Variants in KIF27 observed in about 807,000 individuals in gnomAD.
KIF27 encodes kinesin-like protein KIF27.
Under a neutral mutation model 141.8 loss-of-function variants are expected in KIF27, and 84 were observed. That is an observed-to-expected ratio of 0.59 (90% CI 0.50 to 0.71). The LOEUF (loss-of-function observed/expected upper bound fraction) is 0.71. Ranked by LOEUF, KIF27 falls within the 30% of genes least tolerant of loss-of-function variation. KIF27 has a pLI of 0.00. For missense variants in KIF27, 1,306 were observed against 1,628.4 expected (o/e 0.80, Z 3.41); for synonymous variants, 471 against 569.5 (o/e 0.83, Z 2.46).
rs958131422 is a variant in KIF27, at chr9:83,903,805, G to C, written c.713C>G (p.Ser238Ter). 1.2e-6 allele frequency: 2 copies of C among 1,614,070 alleles called. No individual in the cohort carries two copies. Among genetic ancestry groups the C allele is most frequent in the Non-Finnish European group, 1.7e-6 (2 of 1,180,044 alleles). The stretch of plus-strand genomic sequence containing the variant: ...TGCCAAATCCACAAAGTGGAACTTT[G>C]AGACAATATGCCGAGGGGAATACCA... The part of the protein sequence containing the change: ...GSWYSPRHIV[S>*]KFHFVDLAGS... Residue 238 changes from serine (S) to a stop codon, truncating the protein, a stop_gained, in exon 4 of 18, where the codon TCA becomes TGA. Transcript: ENST00000297814. LOFTEE classifies it high-confidence loss of function.
chr9:83,903,657 C>A lies in KIF27; in HGVS notation c.861G>T (p.Lys287Asn). ...VISALGDPRRKSSHIPYRDAK... is the reference protein window; with the variant it reads ...VISALGDPRRNSSHIPYRDAK... Reference sequence around the variant, plus strand: ...CATCCCTATATGGAATATGTGAACTCTTCCTGCGTGGGTCCCCAAGAGCGC... The same window carrying A: ...CATCCCTATATGGAATATGTGAACTATTCCTGCGTGGGTCCCCAAGAGCGC... Residue 287 changes from lysine (K) to asparagine (N), a missense_variant, in exon 4 of 18, where the codon AAG becomes AAT. Lys to Asn is a moderately conservative substitution (Grantham distance 94). This residue lies in a region of KIF27 where 533 missense variants were observed against 565.6 expected (regional missense o/e 0.94). Coordinates refer to ENST00000297814, the MANE Select transcript of KIF27 (RefSeq NM_017576.4). 6.2e-7 allele frequency: 1 copy of A among 1,614,128 alleles called. No homozygotes were observed. The highest frequency in any genetic ancestry group is 8.5e-7 in the Non-Finnish European group (1 of 1,179,994).
intron 2 of KIF27, among the ~76,000 whole-genome samples, chr9:83,908,854 A>G (rs1373153654): frequency 1.3e-5 from 2 of 152,030 alleles, no homozygotes; most frequent in African/African-American, 4.8e-5. Flanking sequence ...CCGACTATCA[A>G]ATTCAAGCAA....
rs1955596236 is a variant in KIF27, at chr9:83,915,496, T to C, written c.96A>G (p.Pro32=). The C allele has an allele frequency of 6.2e-7, 1 of 1,613,814 alleles. No homozygotes were observed. The highest frequency in any genetic ancestry group is 8.5e-7 in the Non-Finnish European group (1 of 1,179,854). Residue 32 remains proline, a synonymous_variant, in exon 2 of 18, where the codon CCA becomes CCG. Transcript: ENST00000297814. ...HNHQVCVRVI[P]NSQQVIIGRD... The stretch of plus-strand genomic sequence containing the variant: ...TCCCAATGATAACTTGCTGGCTGTT[T>C]GGAATAACTCTCACACAAACTTGAT...
chr9:83,915,654 T>G lies in KIF27; in HGVS notation c.-63A>C. The G allele has an allele frequency of 7.3e-7, 1 of 1,379,212 alleles. No homozygotes were observed. Among genetic ancestry groups the G allele is most frequent in the East Asian group, 2.3e-5 (1 of 43,218 alleles). The allele number at this position is 1,379,212 out of a possible 1,614,324, so 85.4% of individuals were successfully genotyped here. ...TGTTCAGTATCTAGTGTGAGAGACT[T>G]CCATCTTATGTAAGATCTGGATTCC... On this transcript the variant is annotated 5_prime_UTR_variant, in exon 2 of 18. Transcript: ENST00000297814.
chr9:83,905,408 G>A (rs1264782973), intron 3 of KIF27, among the ~76,000 whole-genome samples: 3 of 152,052 alleles, frequency 2.0e-5, no homozygotes, highest in Non-Finnish European at 4.4e-5. Flanking sequence ...GTGAGCCACC[G>A]CACCCGGCCT....
intron 16 of KIF27, 27 bp from the exon 17 acceptor site, chr9:83,842,428 A>G (rs756380011): frequency 1.1e-5 from 16 of 1,475,928 alleles, no homozygotes; most frequent in Non-Finnish European, 1.4e-5. Flanking sequence ...TGCATTTAAA[A>G]TCAGTTTTAA....
chr9:83,862,318 T>G (rs1251354596), intron 13 of KIF27, among the ~76,000 whole-genome samples: 2 of 149,926 alleles, frequency 1.3e-5, no homozygotes, highest in Admixed American at 1.3e-4. Context: ...GGTCTAACAT[T>G]TAAGTCTTTA....
intron 12 of KIF27, among the ~76,000 whole-genome samples, chr9:83,869,554 C>T (rs191337255): frequency 1.3e-5 from 2 of 151,938 alleles, no homozygotes; most frequent in Non-Finnish European, 1.5e-5. Context: ...GGTGAAACCC[C>T]GTCTCTACTA....
Position 83,843,978 on chromosome 9 carries a change from G to A in KIF27, c.3557-1577C>T, listed in dbSNP as rs146585265. On this transcript the variant is annotated intron_variant, in intron 16 of 17. Coordinates refer to ENST00000297814, the MANE Select transcript of KIF27 (RefSeq NM_017576.4). ...GAAAGATGCCAAGTATTGATGCCAAGTATTGAGTGTGTCTGTGAAAGTGTT... is the reference window on the plus strand; with the variant it reads ...GAAAGATGCCAAGTATTGATGCCAAATATTGAGTGTGTCTGTGAAAGTGTT... Among the ~76,000 whole-genome samples the A allele has an allele frequency of 3.8e-3, 580 of 152,272 alleles. 2 individuals are homozygous for A. Among genetic ancestry groups the A allele is most frequent in the African/African-American group, 0.014 (564 of 41,560 alleles).
intron 9 of KIF27, among the ~76,000 whole-genome samples, chr9:83,886,468 G>C (rs1213833954): frequency 6.6e-6 from 1 of 152,070 alleles, no homozygotes; most frequent in Non-Finnish European, 1.5e-5. Context: ...TCTCACTGAA[G>C]ACTTCTCTTG....
At chr9:83,885,946 GTTGT>G (rs1952062301) in intron 9 of KIF27, among the ~76,000 whole-genome samples, 1 of 110,772 alleles carries the variant, frequency 9.0e-6, no homozygotes, top group Non-Finnish European at 1.8e-5. Flanking sequence ...AGTTTTTTGT[GTTGT>G]TTTTTTTTTT....
Position 83,889,202 on chromosome 9 carries a change from G to T in KIF27, c.1861C>A (p.Arg621=), listed in dbSNP as rs148451065. Residue 621 remains arginine, a synonymous_variant, in exon 7 of 18, where the codon CGA becomes AGA. Transcript: ENST00000297814. ...CCCAACAGCATCTGACTTCGTGTTC[G>T]AAATCCAGCAAATATTCGATCCAGA... The part of the protein sequence containing the change: ...YSLDRIFAGF[R]TRSQMLLGHI... The T allele has an allele frequency of 4.3e-6, 7 of 1,613,620 alleles. No individual in the cohort carries two copies. The highest frequency in any genetic ancestry group is 5.9e-6 in the Non-Finnish European group (7 of 1,179,742).
rs1260109062 is a variant in KIF27 at position 83,844,025 on chromosome 9, A to G, written c.3557-1624T>C. On this transcript the variant is annotated intron_variant, in intron 16 of 17. Coordinates refer to ENST00000297814, the MANE Select transcript of KIF27 (RefSeq NM_017576.4). The stretch of plus-strand genomic sequence containing the variant: ...TGTTGCCAAAGGAGGTTAACATTTG[A>G]GTCAGTGGGCTGGGGAAGGCACACC... Among the ~76,000 whole-genome samples, 10 of 152,228 alleles carry G rather than the reference A, an allele frequency of 6.6e-5. No individual in the cohort carries two copies. In the East Asian group the frequency reaches 1.9e-3, roughly 29 times the overall value.
At position 83,890,079 on chromosome 9, in the gene KIF27, A is replaced by G. The variant is rs146270716; in HGVS notation, c.1810-826T>C. On this transcript the variant is annotated intron_variant, in intron 6 of 17. Coordinates refer to ENST00000297814, the MANE Select transcript of KIF27 (RefSeq NM_017576.4). ...CTTAGAGGAGACAGTCCATTTATCA[A>G]TATAAATTATTATAAGCTGTTAAAA... is the stretch of plus-strand genomic sequence containing the variant. Among the ~76,000 whole-genome samples the G allele has an allele frequency of 4.7e-3, 709 of 152,344 alleles. 3 individuals are homozygous for G. The highest frequency in any genetic ancestry group is 0.016 in the African/African-American group (675 of 41,578).
intron 16 of KIF27, chr9:83,848,702 T>A (rs1948167214): frequency 6.6e-6 from 1 of 151,622 alleles, no homozygotes; most frequent in Non-Finnish European, 1.5e-5. Context: ...TGCTTTCAAG[T>A]AAGCCTCCCA....
At chr9:83,862,822 C>G (rs1950049576) in intron 13 of KIF27, among the ~76,000 whole-genome samples, 1 of 152,120 alleles carries the variant, frequency 6.6e-6, no homozygotes, top group African/African-American at 2.4e-5. Flanking sequence ...GAATATTCTT[C>G]CATTTGTTTG....
At chr9:83,900,729 ACACGTATATATATACGTG>A (rs1953786790) in intron 4 of KIF27, among the ~76,000 whole-genome samples, 1 of 152,044 alleles carries the variant, frequency 6.6e-6, no homozygotes, top group South Asian at 2.1e-4. Context: ...TGATATATAT[ACACGTATATATATACGTG>A]TATATATATG....
chr9:83,882,155 G>C (rs1485792266), intron 10 of KIF27, among the ~76,000 whole-genome samples: 1 of 148,362 alleles, frequency 6.7e-6, no homozygotes, highest in African/African-American at 2.5e-5. Flanking sequence ...TTGAGGTCAG[G>C]AGTTTGAGAC....
chr9:83,842,467 T>G lies in KIF27; in HGVS notation c.3557-66A>C, dbSNP rs951854745. 3.9e-5 allele frequency: 56 copies of G among 1,448,680 alleles called. 3 individuals carry two copies. In the African/African-American group the frequency reaches 5.6e-4, roughly 14 times the overall value. The allele number at this position is 1,448,680 out of a possible 1,614,324, so 89.7% of individuals were successfully genotyped here. On this transcript the variant is annotated intron_variant, in intron 16 of 17. Transcript: ENST00000297814. ...AATGATGCAAAATTATGTTTTTGTT[T>G]GTTTGTTTTTTTTGAGACGGAGTCT... is the stretch of plus-strand genomic sequence containing the variant.
Sources: allele counts gnomAD v4.1 joint callset (sites outside exome capture counted in the v4.1 genomes callset), GRCh38; gene constraint gnomAD v4.1.1; regional missense constraint gnomAD v4.1.1; transcripts MANE v1.5; gene names NCBI Gene and HGNC (gene_info 2026-07-23, HGNC 2026-07-21).